Variants in KLHL13 observed in about 807,000 individuals in gnomAD.
KLHL13 encodes the protein kelch-like protein 13.
KLHL13 carries 10 observed loss-of-function variants against 37.1 expected under a neutral mutation model. The observed-to-expected ratio is 0.27, with a 90% CI of 0.17 to 0.46. KLHL13 has a LOEUF of 0.46. KLHL13 is among the 20% of genes least tolerant of loss of function. The pLI, the probability that KLHL13 is intolerant of heterozygous loss-of-function variation, is 1.00. For missense variants in KLHL13, 360 were observed against 509.3 expected, an observed-to-expected ratio of 0.71 and a Z score of 2.82; for synonymous variants, 163 against 181.2, an observed-to-expected ratio of 0.90 and a Z score of 0.81.
intron 1 of KLHL13, among the ~76,000 whole-genome samples, chrX:118,018,222 CTT>C (rs975230383): frequency 7.2e-5 from 8 of 111,008 alleles, no homozygotes; most frequent in Non-Finnish European, 3.8e-5. Flanking sequence ...ACTCTTAACT[CTT>C]TATATTTCCA....
At chrX:117,899,988 T>C (rs1929986065) in intron 6 of KLHL13, among the ~76,000 whole-genome samples, 1 of 112,550 alleles carries the variant, frequency 8.9e-6, no homozygotes, top group Non-Finnish European at 1.9e-5. Flanking sequence ...GAGTTTTCTG[T>C]GGGCAGAGTG....
chrX:117,906,964 T>G, intron 5 of KLHL13, among the ~76,000 whole-genome samples: 1 of 111,639 alleles, frequency 9.0e-6, no homozygotes, highest in African/African-American at 3.2e-5. Context: ...TATTTACCAT[T>G]AGAGGGGAAA....
chrX:118,086,974 C>T (rs1236404223), intron 1 of KLHL13, among the ~76,000 whole-genome samples: 2 of 110,310 alleles, frequency 1.8e-5, no homozygotes, highest in East Asian at 5.6e-4. Context: ...GGATGTTACG[C>T]TACAAAAAAA....
intron 1 of KLHL13, among the ~76,000 whole-genome samples, chrX:118,031,308 T>C (rs183776367): frequency 1.1e-4 from 12 of 107,688 alleles, no homozygotes; most frequent in South Asian, 3.9e-4. Context: ...CTTTGTCTTA[T>C]TGAGTTTTTC....
intron 5 of KLHL13, among the ~76,000 whole-genome samples, chrX:117,906,504 T>C (rs1239757302): frequency 9.0e-6 from 1 of 110,978 alleles, no homozygotes; most frequent in Non-Finnish European, 1.9e-5. Flanking sequence ...TCTATTTGAG[T>C]ATAACATAGA....
At chrX:118,109,135 A>G (rs6646092) in intron 1 of KLHL13, among the ~76,000 whole-genome samples, 1,937 of 111,671 alleles carry the variant, frequency 0.017, 45 homozygotes, top group African/African-American at 0.057. Context: ...CTATTCTGAA[A>G]ATATCATTCC....
intron 1 of KLHL13, among the ~76,000 whole-genome samples, chrX:118,058,300 C>T (rs1257179326): frequency 2.7e-5 from 3 of 110,967 alleles, no homozygotes; most frequent in Non-Finnish European, 5.7e-5. Context: ...TACTCCCCCC[C>T]TCATTTTTAT....
chrX:118,103,238 G>T (rs1179412799), intron 1 of KLHL13, among the ~76,000 whole-genome samples: 1 of 111,829 alleles, frequency 8.9e-6, no homozygotes, highest in Non-Finnish European at 1.9e-5. Context: ...ATAAAGGTAT[G>T]CATAGATTTT....
intron 1 of KLHL13, chrX:117,945,790 A>G (rs1199451278): frequency 3.3e-6 from 1 of 304,256 alleles, no homozygotes; most frequent in Non-Finnish European, 5.7e-6. Context: ...ACAGATGATA[A>G]CTGAGAAATC....
chrX:117,941,114 T>C (rs1933005306), intron 2 of KLHL13, among the ~76,000 whole-genome samples: 1 of 111,702 alleles, frequency 9.0e-6, no homozygotes, highest in Non-Finnish European at 1.9e-5. Context: ...TTGAGATACT[T>C]TACATCAATA....
intron 1 of KLHL13, among the ~76,000 whole-genome samples, chrX:118,037,974 T>A (rs974935594): frequency 1.8e-5 from 2 of 111,737 alleles, no homozygotes; most frequent in Non-Finnish European, 3.8e-5. Flanking sequence ...TCACAAAATC[T>A]GTTTAAATAA....
At chrX:117,966,646 C>A (rs1424621656) in intron 1 of KLHL13, among the ~76,000 whole-genome samples, 1 of 111,097 alleles carries the variant, frequency 9.0e-6, no homozygotes, top group Non-Finnish European at 1.9e-5. Flanking sequence ...ATCACGCTAC[C>A]TGACTTCAAA....
chrX:118,031,374 T>C (rs2054337751), intron 1 of KLHL13, among the ~76,000 whole-genome samples: 1 of 103,788 alleles, frequency 9.6e-6, no homozygotes, highest in Non-Finnish European at 1.9e-5. Context: ...ACACATGTGA[T>C]CAAGTTTATG....
intron 5 of KLHL13, among the ~76,000 whole-genome samples, chrX:117,905,312 C>A (rs1228858403): frequency 8.9e-6 from 1 of 111,950 alleles, no homozygotes; most frequent in South Asian, 3.7e-4. Context: ...ATATAGGAAG[C>A]CTCAATAGAA....
At chrX:118,055,485 A>G (rs1156879866) in intron 1 of KLHL13, among the ~76,000 whole-genome samples, 1 of 112,335 alleles carries the variant, frequency 8.9e-6, no homozygotes, top group East Asian at 2.8e-4. Flanking sequence ...CTTGCAAAAC[A>G]ATCTGAATTC....
At chrX:118,009,200 T>C (rs2054026536) in intron 1 of KLHL13, among the ~76,000 whole-genome samples, 1 of 98,218 alleles carries the variant, frequency 1.0e-5, no homozygotes, top group Admixed American at 1.1e-4. Context: ...TTTTGTAGGT[T>C]GCCTGTTCAC....
chrX:118,026,879 C>T (rs1451207050), intron 1 of KLHL13, among the ~76,000 whole-genome samples: 1 of 111,542 alleles, frequency 9.0e-6, no homozygotes, highest in Non-Finnish European at 1.9e-5. Flanking sequence ...AAAGAGCTTT[C>T]AATGGAAAAT....
chrX:118,066,313 A>G lies in KLHL13; in HGVS notation c.-56+50195T>C, dbSNP rs2054793252. Among the ~76,000 whole-genome samples, 5 of 112,009 alleles carry G rather than the reference A, an allele frequency of 4.5e-5. No individual in the cohort carries two copies. The South Asian group carries it at 1.9e-3, about 41-fold the overall frequency. ...TTTAAGTCACTAAATTATGAAATCA[A>G]CTATAGTTCTAACTTCTGGCCAGGG... is the stretch of plus-strand genomic sequence containing the variant. On this transcript the variant is annotated intron_variant, in intron 1 of 6. Transcript: ENST00000371882.
At chrX:117,905,410 C>T (rs185950479) in intron 5 of KLHL13, among the ~76,000 whole-genome samples, 1 of 111,216 alleles carries the variant, frequency 9.0e-6, no homozygotes, top group Non-Finnish European at 1.9e-5. Flanking sequence ...CTAAGCCTCC[C>T]CTAGTTTCCC....
Sources: allele counts gnomAD v4.1 joint callset (sites outside exome capture counted in the v4.1 genomes callset), GRCh38; gene constraint gnomAD v4.1.1; transcripts MANE v1.5; gene names NCBI Gene and HGNC (gene_info 2026-07-23, HGNC 2026-07-21).